LIN7A: variants seen among roughly 807,000 people sequenced by gnomAD.
LIN7A encodes the protein lin-7 cell polarity scaffold A.
LIN7A carries 25 observed loss-of-function variants against 29.8 expected under a neutral mutation model. The observed-to-expected ratio is 0.84, with a 90% CI of 0.61 to 1.17. The LOEUF (loss-of-function observed/expected upper bound fraction) is 1.17. Ranked by LOEUF, LIN7A falls within the 50% of genes most tolerant of loss-of-function variation. The probability of loss-of-function intolerance (pLI) is 0.00; values close to 1 mark genes in which losing one functional copy is unlikely to be tolerated. For synonymous variants in LIN7A, 118 were observed against 107.5 expected, an observed-to-expected ratio of 1.10 and a Z score of -0.60; for missense variants, 239 against 287.0, an observed-to-expected ratio of 0.83 and a Z score of 1.21.
intron 2 of LIN7A, among the ~76,000 whole-genome samples, chr12:80,849,249 A>G (rs894343990): frequency 6.6e-6 from 1 of 152,172 alleles, no homozygotes; most frequent in Non-Finnish European, 1.5e-5. Flanking sequence ...AATCTGAGAT[A>G]TGTTACTGCA....
At chr12:80,843,204 A>G (rs1183870109) in intron 4 of LIN7A, among the ~76,000 whole-genome samples, 1 of 152,154 alleles carries the variant, frequency 6.6e-6, no homozygotes, top group Admixed American at 6.5e-5. Context: ...GACATTCCTC[A>G]CCTTTGCATG....
intron 4 of LIN7A, among the ~76,000 whole-genome samples, chr12:80,822,662 C>A (rs1346422274): frequency 6.6e-6 from 1 of 151,972 alleles, no homozygotes; most frequent in Non-Finnish European, 1.5e-5. Context: ...ATGGGAGCTA[C>A]AATTCAAGAT....
At chr12:80,799,171 G>C (rs919908725) in intron 5 of LIN7A, among the ~76,000 whole-genome samples, 7 of 152,144 alleles carry the variant, frequency 4.6e-5, no homozygotes, top group African/African-American at 1.7e-4. Context: ...GAGAGCACTG[G>C]GCATTCAACA....
At chr12:80,852,947 T>C (rs542239424) in intron 2 of LIN7A, among the ~76,000 whole-genome samples, 37 of 152,168 alleles carry the variant, frequency 2.4e-4, no homozygotes, top group Non-Finnish European at 3.8e-4. Context: ...CCCTGTCTTC[T>C]ACTTCTTGTC....
intron 2 of LIN7A, among the ~76,000 whole-genome samples, chr12:80,888,434 C>A (rs942389476): frequency 2.0e-5 from 3 of 152,112 alleles, no homozygotes; most frequent in African/African-American, 4.8e-5. Context: ...ATTGGAGGTG[C>A]CTGCTCTACG....
At chr12:80,896,259 C>A (rs1018158555) in intron 1 of LIN7A, among the ~76,000 whole-genome samples, 10 of 152,142 alleles carry the variant, frequency 6.6e-5, no homozygotes, top group African/African-American at 2.4e-4. Context: ...TGTGGAAGGT[C>A]AGACAAAACC....
At chr12:80,834,827 A>C (rs1435908616) in intron 4 of LIN7A, among the ~76,000 whole-genome samples, 1 of 151,240 alleles carries the variant, frequency 6.6e-6, no homozygotes, top group African/African-American at 2.4e-5. Flanking sequence ...AATTATATAA[A>C]CCCTTAGACT....
At chr12:80,851,047 CT>C (rs1460882481) in intron 2 of LIN7A, among the ~76,000 whole-genome samples, 2 of 152,144 alleles carry the variant, frequency 1.3e-5, no homozygotes, top group African/African-American at 4.8e-5. Flanking sequence ...CTCTATCTCC[CT>C]TCAAAATCTT....
In LIN7A at chr12:80,902,991, G is replaced by C. The variant is rs573484828; in HGVS notation, c.83-13622C>G. On this transcript the variant is annotated intron_variant, in intron 1 of 5. Transcript: ENST00000552864. ...CCCATTCAGCATGATGTTGTTTGTG[G>C]GTTTGTCATAAATAGCTTTTATTAT... Among the ~76,000 whole-genome samples, 7 of 150,940 alleles carry C rather than the reference G, an allele frequency of 4.6e-5. No individual in the cohort carries two copies. The East Asian group carries it at 7.9e-4, about 17-fold the overall frequency.
intron 1 of LIN7A, among the ~76,000 whole-genome samples, chr12:80,910,083 C>T (rs1185536): frequency 0.68 from 103,481 of 151,992 alleles, 39,147 homozygotes; most frequent in Non-Finnish European, 0.87. Flanking sequence ...TTTGTACCTT[C>T]AGTAAACAAT....
At chr12:80,863,354 G>A (rs1387543830) in intron 2 of LIN7A, among the ~76,000 whole-genome samples, 2 of 152,150 alleles carry the variant, frequency 1.3e-5, no homozygotes, top group Non-Finnish European at 1.5e-5. Context: ...TGTTTATAGA[G>A]GTAGAGTCTA....
chr12:80,838,162 T>A (rs1253462984), intron 4 of LIN7A, among the ~76,000 whole-genome samples: 1 of 152,192 alleles, frequency 6.6e-6, no homozygotes, highest in Non-Finnish European at 1.5e-5. Context: ...GCTTCCCTCA[T>A]TTAGAGACTT....
chr12:80,820,277 GAA>G (rs1328272179), intron 4 of LIN7A, among the ~76,000 whole-genome samples: 1 of 151,512 alleles, frequency 6.6e-6, no homozygotes, highest in Non-Finnish European at 1.5e-5. Flanking sequence ...GAGGTTAATG[GAA>G]AAAAAAGTGT....
At chr12:80,899,765 C>CTCTTTTT (rs1555228167) in intron 1 of LIN7A, among the ~76,000 whole-genome samples, 1 of 109,992 alleles carries the variant, frequency 9.1e-6, no homozygotes, top group East Asian at 2.7e-4. Context: ...TTCTTTTTTT[C>CTCTTTTT]TTTTCTTTTT....
chr12:80,864,235 A>G (rs1407457971), intron 2 of LIN7A, among the ~76,000 whole-genome samples: 1 of 152,118 alleles, frequency 6.6e-6, no homozygotes, highest in African/African-American at 2.4e-5. Context: ...CCAAGACTCA[A>G]TACGCAAGGC....
chr12:80,852,145 A>T (rs1305716659), intron 2 of LIN7A, among the ~76,000 whole-genome samples: 3 of 152,156 alleles, frequency 2.0e-5, no homozygotes, highest in Non-Finnish European at 2.9e-5. Flanking sequence ...CAGTTTTTTA[A>T]GTGAAAAATT....
rs189759648 is a variant in LIN7A, at chr12:80,895,110, T to A, written c.83-5741A>T. On this transcript the variant is annotated intron_variant, in intron 1 of 5. Coordinates refer to ENST00000552864, the MANE Select transcript of LIN7A (RefSeq NM_004664.4). ...GACCATTGTGAGCTTGGGTAAACAG[T>A]TATAACACTGCCGAAAGCCTCATAT... Among the ~76,000 whole-genome samples the A allele has an allele frequency of 2.0e-5, 3 of 152,188 alleles. No homozygotes were observed. The East Asian group carries it at 5.8e-4, about 29-fold the overall frequency.
At chr12:80,889,752 G>A (rs1875528672) in intron 1 of LIN7A, among the ~76,000 whole-genome samples, 1 of 152,032 alleles carries the variant, frequency 6.6e-6, no homozygotes, top group Non-Finnish European at 1.5e-5. Flanking sequence ...ATTTCAGTTT[G>A]TCATAGCTAC....
chr12:80,913,914 G>C (rs1876899889), intron 1 of LIN7A, among the ~76,000 whole-genome samples: 1 of 152,094 alleles, frequency 6.6e-6, no homozygotes. Flanking sequence ...TGGCGTCTAT[G>C]CTTCTGAAAC....
Sources: gnomAD v4.1 joint callset for allele counts (sites outside exome capture counted in the v4.1 genomes callset) on GRCh38, gnomAD v4.1.1 for gene constraint, MANE v1.5 for transcripts, NCBI Gene and HGNC (gene_info 2026-07-23, HGNC 2026-07-21) for gene names.